The following C9orf85 variants were observed in gnomAD, a reference collection of about 807,000 sequenced individuals.
C9orf85 encodes the protein chromosome 9 open reading frame 85.
In C9orf85, 16 loss-of-function variants were observed where a neutral mutation model predicts 14.9. The ratio of observed to expected loss-of-function variants is 1.08; its 90% CI spans 0.73 to 1.63. C9orf85 has a LOEUF of 1.63. Ranked by LOEUF, C9orf85 falls within the 40% of genes most tolerant of loss-of-function variation. The pLI, the probability that C9orf85 is intolerant of heterozygous loss-of-function variation, is 0.00. For synonymous variants in C9orf85, 45 were observed against 56.8 expected, an observed-to-expected ratio of 0.79 and a Z score of 0.93; for missense variants, 172 against 186.1, an observed-to-expected ratio of 0.92 and a Z score of 0.44.
At chr9:71,949,256 A>C (rs1477061353) in intron 2 of C9orf85, among the ~76,000 whole-genome samples, 1 of 152,254 alleles carries the variant, frequency 6.6e-6, no homozygotes, top group Non-Finnish European at 1.5e-5. Flanking sequence ...GCTGTGTAAC[A>C]AAGGAAATGA....
At chr9:71,951,458 A>T (rs1487244751) in intron 2 of C9orf85, among the ~76,000 whole-genome samples, 1 of 152,216 alleles carries the variant, frequency 6.6e-6, no homozygotes, top group African/African-American at 2.4e-5. Context: ...ATAAAGCACC[A>T]AGACCAGCCA....
chr9:71,974,136 A>G (rs899799245), downstream of C9orf85, among the ~76,000 whole-genome samples: 38 of 151,994 alleles, frequency 2.5e-4, no homozygotes, highest in Middle Eastern at 3.4e-3. Context: ...CATGTTGGCC[A>G]GGCTGGTCTT....
In C9orf85 at chr9:71,946,131, A is replaced by G. The variant is rs562711523; in HGVS notation, c.103-875A>G. Among the ~76,000 whole-genome samples, 5 of 152,344 alleles carry G rather than the reference A, an allele frequency of 3.3e-5. No individual in the cohort carries two copies. The South Asian group carries it at 1.0e-3, about 32-fold the overall frequency. On this transcript the variant is annotated intron_variant, in intron 1 of 3. Transcript: ENST00000334731. The stretch of plus-strand genomic sequence containing the variant: ...AAATACATATTATTTAAGTTTGAAG[A>G]AACCAAGTTAGTAGGGGGAACTTTT...
chr9:71,927,266 CAAA>C (rs61679762), intron 1 of C9orf85, among the ~76,000 whole-genome samples: 22 of 106,744 alleles, frequency 2.1e-4, no homozygotes, highest in South Asian at 6.2e-4. Flanking sequence ...GAAAGTTTGT[CAAA>C]AAAAAAAAAA....
downstream of C9orf85, among the ~76,000 whole-genome samples, chr9:71,973,924 T>G (rs1271468663): frequency 2.0e-5 from 3 of 150,338 alleles, no homozygotes; most frequent in Admixed American, 2.0e-4. Context: ...ATTTTATTTA[T>G]TTTATTAATT....
chr9:71,947,043 G>A lies in C9orf85; in HGVS notation c.140G>A (p.Arg47His), dbSNP rs370829883. The A allele has an allele frequency of 1.7e-5, 27 of 1,613,216 alleles. No homozygotes were observed. The highest frequency in any genetic ancestry group is 8.9e-5 in the East Asian group (4 of 44,796). The change falls in exon 2 of 4, where the codon CGC becomes CAC. Residue 47 changes from arginine to histidine, a missense_variant. Transcript: ENST00000334731. Reference sequence around the variant, plus strand: ...AAACTTCATGATGGAGTATGTCAGCGCTGTAAAGAAGTTCTTGAGTGGCGT... The same window carrying A: ...AAACTTCATGATGGAGTATGTCAGCACTGTAAAGAAGTTCTTGAGTGGCGT... ...NAKLHDGVCQ[R>H]CKEVLEWRVK...
intron 1 of C9orf85, chr9:71,918,353 GAT>G: frequency 1.1e-6 from 1 of 870,648 alleles, no homozygotes; most frequent in South Asian, 1.5e-5. Flanking sequence ...CATTCTAACA[GAT>G]ATTGAATATC....
At chr9:71,974,550 T>C (rs550074900), downstream of C9orf85, among the ~76,000 whole-genome samples, 2 of 152,284 alleles carry the variant, frequency 1.3e-5, no homozygotes, top group African/African-American at 4.8e-5. Flanking sequence ...GCCCATAGTT[T>C]GTTTTTTCTA....
chr9:71,978,730 C>CA (rs1823047543), intron 3 of C9orf85, among the ~76,000 whole-genome samples: 4 of 152,116 alleles, frequency 2.6e-5, no homozygotes, highest in African/African-American at 9.7e-5. Flanking sequence ...ACATAAAATT[C>CA]AGCACTTAAA....
intron 1 of C9orf85, among the ~76,000 whole-genome samples, chr9:71,937,978 C>T (rs1193376923): frequency 1.3e-5 from 2 of 152,014 alleles, no homozygotes; most frequent in African/African-American, 4.8e-5. Flanking sequence ...TATATTTCTC[C>T]TTAAATGACA....
At chr9:71,913,679 A>G (rs1360469805) in intron 1 of C9orf85, among the ~76,000 whole-genome samples, 2 of 152,218 alleles carry the variant, frequency 1.3e-5, no homozygotes, top group Admixed American at 6.5e-5. Flanking sequence ...AAGGTTGTGC[A>G]CAAACATTTG....
chr9:71,930,781 G>A (rs1828052111), intron 1 of C9orf85, among the ~76,000 whole-genome samples: 1 of 145,260 alleles, frequency 6.9e-6, no homozygotes, highest in East Asian at 2.0e-4. Flanking sequence ...CTCTATCTGG[G>A]TGACAGAGCA....
intron 1 of C9orf85, among the ~76,000 whole-genome samples, chr9:71,945,244 G>C (rs762021265): frequency 3.3e-5 from 5 of 152,208 alleles, no homozygotes; most frequent in Non-Finnish European, 5.9e-5. Flanking sequence ...AATGATGAAT[G>C]TGAACTTTGC....
At chr9:71,980,162 C>T (rs6560245) in intron 3 of C9orf85, among the ~76,000 whole-genome samples, 94,001 of 151,574 alleles carry the variant, frequency 0.62, 29,345 homozygotes, top group East Asian at 0.72. Flanking sequence ...CACAGGTGCG[C>T]GCCACCATGC....
chr9:71,930,803 C>CAAAAAAAA (rs747596247), intron 1 of C9orf85, among the ~76,000 whole-genome samples: 3 of 61,036 alleles, frequency 4.9e-5, no homozygotes, highest in Non-Finnish European at 9.3e-5. Flanking sequence ...GACCCTGTCT[C>CAAAAAAAA]AAAAAAAAAA....
rs575266401 is a variant in C9orf85 at position 71,929,086 on chromosome 9, C to A, written c.102+17250C>A. On this transcript the variant is annotated intron_variant, in intron 1 of 3. Transcript: ENST00000334731. ...AATATGACCAGAGCGAGGCACCTAT[C>A]TTTGAGGAAGTTAGTTTTAAGATGG... is the stretch of plus-strand genomic sequence containing the variant. 3.3e-5 allele frequency among the ~76,000 whole-genome samples: 5 copies of A among 152,276 alleles called. No individual in the cohort carries two copies. In the South Asian group the frequency reaches 1.0e-3, roughly 32 times the overall value.
At chr9:71,978,640 G>A (rs1042427271) in intron 3 of C9orf85, among the ~76,000 whole-genome samples, 2 of 152,168 alleles carry the variant, frequency 1.3e-5, no homozygotes, top group Non-Finnish European at 2.9e-5. Flanking sequence ...TATTGACTGG[G>A]AATGTGTATA....
chr9:71,934,786 C>T (rs769152883), intron 1 of C9orf85, among the ~76,000 whole-genome samples: 1 of 151,986 alleles, frequency 6.6e-6, no homozygotes, highest in Non-Finnish European at 1.5e-5. Context: ...AGGAGGATTG[C>T]TTGAGCCTGG....
intron 1 of C9orf85, among the ~76,000 whole-genome samples, chr9:71,944,867 G>T (rs190757500): frequency 4.6e-5 from 7 of 152,060 alleles, no homozygotes; most frequent in Non-Finnish European, 5.9e-5. Flanking sequence ...TATGAACCCT[G>T]TACAACATAT....
Sources: allele counts gnomAD v4.1 joint callset (sites outside exome capture counted in the v4.1 genomes callset), GRCh38; gene constraint gnomAD v4.1.1; transcripts MANE v1.5; gene names NCBI Gene and HGNC (gene_info 2026-07-23, HGNC 2026-07-21).